The following TLN2 variants were observed in gnomAD, a reference collection of about 807,000 sequenced individuals.
The protein encoded by TLN2 is talin 2.
Under a neutral mutation model 294.7 loss-of-function variants are expected in TLN2, and 118 were observed. The observed-to-expected ratio is 0.40, with a 90% CI of 0.34 to 0.47. The LOEUF is 0.47. Ranked by LOEUF, TLN2 falls within the 20% of genes least tolerant of loss-of-function variation. The pLI is 0.84. For synonymous variants in TLN2, 1,431 were observed against 1,304.5 expected, an observed-to-expected ratio of 1.10 and a Z score of -2.09; for missense variants, 3,083 against 3,282.2, an observed-to-expected ratio of 0.94 and a Z score of 1.48.
Position 62,581,904 on chromosome 15 carries a change from C to T in TLN2, c.-237-7783C>T, listed in dbSNP as rs190618913. Among the ~76,000 whole-genome samples the T allele has an allele frequency of 1.2e-3, 177 of 151,824 alleles. 1 individual carries two copies. Among genetic ancestry groups the T allele is most frequent in the Admixed American group, 1.6e-3 (25 of 15,244 alleles). On this transcript the variant is annotated intron_variant, in intron 1 of 58. Coordinates refer to ENST00000636159, the MANE Select transcript of TLN2 (RefSeq NM_015059.3). ...ACTAAAAATACAAAAATTAGCCGGG[C>T]GTAGTGGTATGAGTCTGTAGTCCCA...
intron 13 of TLN2, 56 bp from the exon 14 acceptor site, chr15:62,694,260 A>C: frequency 1.9e-6 from 3 of 1,540,666 alleles, no homozygotes; most frequent in Non-Finnish European, 1.8e-6. Context: ...TAGAGGCGTG[A>C]GCCACCGCGC....
At chr15:62,618,941 G>A (rs1238517713) in intron 3 of TLN2, among the ~76,000 whole-genome samples, 1 of 152,198 alleles carries the variant, frequency 6.6e-6, no homozygotes, top group Non-Finnish European at 1.5e-5. Flanking sequence ...ATATAAACTA[G>A]TTTACGGGAC....
intron 1 of TLN2, among the ~76,000 whole-genome samples, chr15:62,409,947 A>G (rs1284109894): frequency 6.6e-6 from 1 of 152,214 alleles, no homozygotes; most frequent in Non-Finnish European, 1.5e-5. Flanking sequence ...CTTTATTTTT[A>G]GAAATGGGAG....
intron 54 of TLN2, chr15:62,831,613 C>G (rs1428273978): frequency 6.6e-6 from 1 of 152,080 alleles, no homozygotes; most frequent in African/African-American, 2.4e-5. Flanking sequence ...CTCCACCAGT[C>G]CAAAATGAGT....
At chr15:62,628,821 C>T (rs55659131) in intron 3 of TLN2, among the ~76,000 whole-genome samples, 9,684 of 152,280 alleles carry the variant, frequency 0.064, 469 homozygotes, top group African/African-American at 0.13. Context: ...AAAGTTTTCC[C>T]AGATGATCCT....
chr15:62,394,851 T>C (rs922840304), intron 1 of TLN2, among the ~76,000 whole-genome samples: 1 of 151,874 alleles, frequency 6.6e-6, no homozygotes, highest in Non-Finnish European at 1.5e-5. Context: ...GTTGTGAGAG[T>C]CTTTATATGT....
chr15:62,827,421 A>G (rs969676976), intron 54 of TLN2, among the ~76,000 whole-genome samples: 4 of 152,228 alleles, frequency 2.6e-5, no homozygotes, highest in Admixed American at 2.6e-4. Context: ...GGAACTGTCC[A>G]TGTCTAGGCA....
chr15:62,752,977 C>G (rs1286323682), intron 35 of TLN2, among the ~76,000 whole-genome samples: 1 of 152,116 alleles, frequency 6.6e-6, no homozygotes, highest in African/African-American at 2.4e-5. Flanking sequence ...TACCTTGAAC[C>G]TAGAAGATTT....
chr15:62,539,386 A>T (rs2041542632), intron 1 of TLN2, among the ~76,000 whole-genome samples: 1 of 152,142 alleles, frequency 6.6e-6, no homozygotes, highest in Admixed American at 6.5e-5. Context: ...TGGCATTCTC[A>T]ACAAATCTGT....
intron 1 of TLN2, among the ~76,000 whole-genome samples, chr15:62,468,850 A>G (rs1381025636): frequency 6.6e-6 from 1 of 152,186 alleles, no homozygotes; most frequent in African/African-American, 2.4e-5. Context: ...TGAATGTCAA[A>G]GGCTTCAGAC....
chr15:62,598,396 G>A (rs905531402), intron 2 of TLN2, among the ~76,000 whole-genome samples: 2 of 152,130 alleles, frequency 1.3e-5, no homozygotes, highest in Non-Finnish European at 2.9e-5. Context: ...AGCAGAGTCA[G>A]CTCTGCCTCG....
chr15:62,539,993 A>C (rs2140519066), intron 1 of TLN2, among the ~76,000 whole-genome samples: 1 of 152,194 alleles, frequency 6.6e-6, no homozygotes, highest in South Asian at 2.1e-4. Flanking sequence ...TTACACTACA[A>C]TAAATAAATT....
chr15:62,419,580 AG>A (rs1446523313), intron 1 of TLN2, among the ~76,000 whole-genome samples: 4 of 148,288 alleles, frequency 2.7e-5, no homozygotes, highest in African/African-American at 1.0e-4. Flanking sequence ...GTTGCACTGA[AG>A]AACCTTTGAA....
intron 2 of TLN2, among the ~76,000 whole-genome samples, chr15:62,598,981 C>A (rs2046776878): frequency 6.6e-6 from 1 of 152,062 alleles, no homozygotes; most frequent in South Asian, 2.1e-4. Context: ...AGACCTGTTA[C>A]CAAAGAATTC....
At chr15:62,771,205 T>A in intron 42 of TLN2, 71 bp downstream of exon 42, 1 of 1,444,600 alleles carries the variant, frequency 6.9e-7, no homozygotes, top group Non-Finnish European at 9.2e-7. Context: ...CTGTAATGTG[T>A]CCTTCCAGGA....
At chr15:62,795,056 C>T (rs537639226) in intron 46 of TLN2, among the ~76,000 whole-genome samples, 5 of 152,248 alleles carry the variant, frequency 3.3e-5, no homozygotes, top group East Asian at 1.9e-4. Flanking sequence ...TGTGCTGTGG[C>T]GTCCCGGGAG....
At chr15:62,713,505 C>G (rs2059563534) in intron 22 of TLN2, among the ~76,000 whole-genome samples, 2 of 151,876 alleles carry the variant, frequency 1.3e-5, no homozygotes, top group Non-Finnish European at 2.9e-5. Context: ...ATGGCAAAAC[C>G]CTGTCTCTAC....
chr15:62,443,658 T>C (rs1422725922), intron 1 of TLN2, among the ~76,000 whole-genome samples: 4 of 152,196 alleles, frequency 2.6e-5, no homozygotes, highest in African/African-American at 9.6e-5. Context: ...TTTCCCTGAT[T>C]TCACCTGCTG....
chr15:62,754,051 G>A (rs1331052097), intron 36 of TLN2, 135 bp downstream of exon 36: 8 of 1,222,602 alleles, frequency 6.5e-6, no homozygotes, highest in African/African-American at 4.7e-5. Context: ...CAGCATTGTA[G>A]ATAATGACTC....
Sources: allele counts gnomAD v4.1 joint callset (sites outside exome capture counted in the v4.1 genomes callset), GRCh38; gene constraint gnomAD v4.1.1; transcripts MANE v1.5; gene names NCBI Gene and HGNC (gene_info 2026-07-23, HGNC 2026-07-21).